The following BCAR3 variants were observed in gnomAD, a reference collection of about 807,000 sequenced individuals.
The protein encoded by BCAR3 is BCAR3 adaptor protein, NSP family member, also known as breast cancer anti-estrogen resistance protein 3.
A neutral mutation model predicts 80.1 loss-of-function variants in BCAR3; 37 were observed. The ratio of observed to expected loss-of-function variants is 0.46; its 90% CI spans 0.36 to 0.61. BCAR3 has a LOEUF of 0.61. Among genes scored for constraint, BCAR3 ranks in the 20% least tolerant of loss-of-function variants. BCAR3 has a pLI of 0.00. For missense variants in BCAR3, 978 were observed against 1,068.2 expected (o/e 0.92, Z 1.18); for synonymous variants, 389 against 418.9 (o/e 0.93, Z 0.87).
At position 93,562,244 on chromosome 1, in the gene BCAR3, A is replaced by G. The variant is rs1426163850; in HGVS notation, c.2475T>C (p.Leu825=). Residue 825 remains leucine (L), a synonymous_variant, in exon 12 of 12, where the codon CTT becomes CTC. Transcript: ENST00000260502. ...CTAAAGGTTCTCTGGAGAGTTATCA[A>G]AGCTCTGCCTGCTTTACAGGAGGAG... The part of the protein sequence containing the change: ...LEPPPVKQAE[L] 1 of 1,613,172 alleles carries G rather than the reference A, an allele frequency of 6.2e-7. No homozygotes were observed. Among genetic ancestry groups the G allele is most frequent in the South Asian group, 1.1e-5 (1 of 90,832 alleles).
chr1:93,775,406 CCT>C (rs1652510197), intron 2 of BCAR3: 1 of 152,230 alleles, frequency 6.6e-6, no homozygotes, highest in African/African-American at 2.4e-5. Context: ...ACCGCTCCAG[CCT>C]CTACCTGCCC....
intron 2 of BCAR3, among the ~76,000 whole-genome samples, chr1:93,749,343 C>A (rs1458136423): frequency 6.6e-6 from 1 of 151,970 alleles, no homozygotes; most frequent in Admixed American, 6.6e-5. Flanking sequence ...AATCCCAGCA[C>A]TTTGGGAGGC....
chr1:93,589,481 T>C (rs1456050395), intron 4 of BCAR3, 62 bp from the exon 5 acceptor site: 2 of 1,408,904 alleles, frequency 1.4e-6, no homozygotes, highest in East Asian at 2.3e-5. Flanking sequence ...TCTAAAAGCT[T>C]ATGGCTACCC....
intron 3 of BCAR3, among the ~76,000 whole-genome samples, chr1:93,605,974 A>G (rs1404252979): frequency 6.6e-6 from 1 of 152,236 alleles, no homozygotes; most frequent in Non-Finnish European, 1.5e-5. Flanking sequence ...TCTCCAAAAT[A>G]GTACCATGAC....
rs1650773727 is a variant in BCAR3 at position 93,731,142 on chromosome 1, G to T, written c.-62-25000C>A. ...TGCCAGTGTCATCAGAACAAGGAAAGTCAGAAACAGTCAGAAACAGGCCAG... is the reference window on the plus strand; with the variant it reads ...TGCCAGTGTCATCAGAACAAGGAAATTCAGAAACAGTCAGAAACAGGCCAG... On this transcript the variant is annotated intron_variant, in intron 2 of 13. Coordinates refer to the BCAR3 transcript ENST00000370244. Among the ~76,000 whole-genome samples the T allele has an allele frequency of 3.3e-5, 5 of 152,314 alleles. 1 individual carries two copies. The highest frequency in any genetic ancestry group is 3.3e-4 in the Admixed American group (5 of 15,302).
At chr1:93,777,448 TC>T (rs1652608000) in intron 2 of BCAR3, among the ~76,000 whole-genome samples, 6 of 146,680 alleles carry the variant, frequency 4.1e-5, no homozygotes, top group African/African-American at 7.8e-5. Context: ...CTCTTCCTCC[TC>T]CTCCTCTTCC....
intron 3 of BCAR3, among the ~76,000 whole-genome samples, chr1:93,608,036 C>T (rs1332799091): frequency 1.3e-5 from 2 of 152,220 alleles, no homozygotes; most frequent in African/African-American, 4.8e-5. Context: ...GATAGTTCCT[C>T]AAATCTCATC....
intron 2 of BCAR3, among the ~76,000 whole-genome samples, chr1:93,773,612 T>C (rs564042589): frequency 3.9e-5 from 6 of 152,270 alleles, no homozygotes; most frequent in African/African-American, 1.4e-4. Context: ...AGGTTCCAGT[T>C]GCACAATCAG....
At chr1:93,588,404 GTC>G (rs1371168868) in intron 5 of BCAR3, among the ~76,000 whole-genome samples, 1 of 151,980 alleles carries the variant, frequency 6.6e-6, no homozygotes, top group Non-Finnish European at 1.5e-5. Flanking sequence ...TCCTGTTCCT[GTC>G]TCTCTCCTCA....
At chr1:93,758,149 C>T (rs528465447) in intron 2 of BCAR3, among the ~76,000 whole-genome samples, 42 of 152,080 alleles carry the variant, frequency 2.8e-4, no homozygotes, top group Non-Finnish European at 5.1e-4. Flanking sequence ...GCAGCACTCC[C>T]GAAGTCAGGA....
intron 9 of BCAR3, among the ~76,000 whole-genome samples, chr1:93,568,697 C>G (rs1673075473): frequency 6.6e-6 from 1 of 152,200 alleles, no homozygotes; most frequent in South Asian, 2.1e-4. Flanking sequence ...ACTACATAAA[C>G]CACACCCATT....
chr1:93,740,660 T>A (rs935869649), intron 2 of BCAR3, among the ~76,000 whole-genome samples: 1 of 152,128 alleles, frequency 6.6e-6, no homozygotes, highest in Admixed American at 6.5e-5. Flanking sequence ...AAAACCCTGA[T>A]GCATCTAGAT....
At chr1:93,680,872 G>A (rs1648725422) in intron 1 of BCAR3, among the ~76,000 whole-genome samples, 1 of 152,134 alleles carries the variant, frequency 6.6e-6, no homozygotes, top group South Asian at 2.1e-4. Flanking sequence ...TAAAGCGGCG[G>A]CGCCCTCAGC....
At chr1:93,798,859 AGCATACAGACT>A (rs1653376128) in intron 2 of BCAR3, among the ~76,000 whole-genome samples, 1 of 152,190 alleles carries the variant, frequency 6.6e-6, no homozygotes, top group South Asian at 2.1e-4. Context: ...AGAACTATAC[AGCATACAGACT>A]GTATGCTGTT....
At position 93,586,641 on chromosome 1, in the gene BCAR3, T is replaced by C. The variant is rs998069147; in HGVS notation, c.929+2336A>G. On this transcript the variant is annotated intron_variant, in intron 5 of 11. Transcript: ENST00000260502. The surrounding 1 kb of genome is among the most constrained non-coding windows in gnomAD (Gnocchi z 4.2). ...ACCTCGAAACTGTTCTCCATAGTGG[T>C]TGTACTAATTTACATTCCCCTCAAC... is the stretch of plus-strand genomic sequence containing the variant. 6.6e-6 allele frequency among the ~76,000 whole-genome samples: 1 copy of C among 152,218 alleles called. No individual in the cohort carries two copies. The highest frequency in any genetic ancestry group is 1.5e-5 in the Non-Finnish European group (1 of 68,034).
chr1:93,588,837 C>G, intron 5 of BCAR3, 140 bp downstream of exon 5: 2 of 970,734 alleles, frequency 2.1e-6, no homozygotes, highest in Non-Finnish European at 2.9e-6. Flanking sequence ...TTCACTGCCT[C>G]GTGACAGCTA....
chr1:93,597,099 A>G (rs1183504140), intron 3 of BCAR3, among the ~76,000 whole-genome samples: 5 of 152,216 alleles, frequency 3.3e-5, no homozygotes, highest in Admixed American at 3.3e-4. Context: ...GGAGAGTAAG[A>G]AAAGGTACTA....
chr1:93,570,973 G>C (rs1489092901), intron 9 of BCAR3, among the ~76,000 whole-genome samples: 1 of 152,194 alleles, frequency 6.6e-6, no homozygotes, highest in Non-Finnish European at 1.5e-5. Context: ...GGAGGCCGAG[G>C]TGGGCAGATC....
intron 2 of BCAR3, among the ~76,000 whole-genome samples, chr1:93,841,821 T>C (rs1234779073): frequency 6.6e-6 from 1 of 152,230 alleles, no homozygotes; most frequent in Non-Finnish European, 1.5e-5. Context: ...TGACCTTCTT[T>C]ACCAGCACCT....
Sources: gnomAD v4.1 joint callset for allele counts (sites outside exome capture counted in the v4.1 genomes callset) on GRCh38, gnomAD v4.1.1 for gene constraint, Gnocchi (gnomAD v3.1) non-coding constraint, MANE v1.5 for transcripts, NCBI Gene and HGNC (gene_info 2026-07-23, HGNC 2026-07-21) for gene names.